The following TRAK1 variants were observed in gnomAD, a reference collection of about 807,000 sequenced individuals.
The protein encoded by TRAK1 is trafficking kinesin-binding protein 1.
In TRAK1, 33 loss-of-function variants were observed where a neutral mutation model predicts 92.1. That is an observed-to-expected ratio of 0.36 (90% CI 0.27 to 0.48). TRAK1 has a LOEUF of 0.48. Among genes scored for constraint, TRAK1 ranks in the 20% least tolerant of loss-of-function variants. The probability of loss-of-function intolerance (pLI) is 0.99; values close to 1 mark genes in which losing one functional copy is unlikely to be tolerated. For missense variants in TRAK1, 1,123 were observed against 1,257.9 expected (o/e 0.89, Z 1.62); for synonymous variants, 521 against 517.3 (o/e 1.01, Z -0.10).
At chr3:42,134,540 G>A (rs1469203067) in intron 2 of TRAK1, among the ~76,000 whole-genome samples, 1 of 146,030 alleles carries the variant, frequency 6.8e-6, no homozygotes, top group Non-Finnish European at 1.5e-5. Context: ...GCCTCCCAAA[G>A]TGCTGGGATT....
At chr3:42,135,957 T>C (rs1416636626) in intron 2 of TRAK1, among the ~76,000 whole-genome samples, 4 of 152,212 alleles carry the variant, frequency 2.6e-5, no homozygotes, top group South Asian at 4.1e-4. Flanking sequence ...CCGACTTCCA[T>C]AGAAACTCGG....
intron 2 of TRAK1, among the ~76,000 whole-genome samples, chr3:42,130,926 C>T (rs1426167206): frequency 1.3e-5 from 2 of 152,142 alleles, no homozygotes; most frequent in Non-Finnish European, 2.9e-5. Flanking sequence ...CAGGTCTCCT[C>T]ACCACTCTAG....
intron 1 of TRAK1, among the ~76,000 whole-genome samples, chr3:42,097,566 C>T (rs761967553): frequency 6.6e-6 from 1 of 152,154 alleles, no homozygotes; most frequent in African/African-American, 2.4e-5. Context: ...TTTTTATTGT[C>T]TTTTCTGTGA....
chr3:42,087,631 A>G (rs1704743604), upstream of TRAK1, among the ~76,000 whole-genome samples: 1 of 152,212 alleles, frequency 6.6e-6, no homozygotes, highest in South Asian at 2.1e-4. Context: ...CCTGACTGAG[A>G]GGTAGACAGC....
chr3:42,175,352 C>T (rs553371824), intron 2 of TRAK1, among the ~76,000 whole-genome samples: 33 of 152,280 alleles, frequency 2.2e-4, no homozygotes, highest in Admixed American at 6.5e-4. Flanking sequence ...TGTGTGACCT[C>T]GAGCTGATGG....
chr3:42,056,304 G>GTGAGTGAGGGTT (rs1343608856), intron 1 of TRAK1, among the ~76,000 whole-genome samples: 5 of 152,202 alleles, frequency 3.3e-5, no homozygotes, highest in African/African-American at 1.2e-4. Flanking sequence ...CCCACCAGCA[G>GTGAGTGAGGGTT]TGAGTGAGGG....
At chr3:42,034,372 G>A (rs750013606) in intron 1 of TRAK1, among the ~76,000 whole-genome samples, 4 of 152,262 alleles carry the variant, frequency 2.6e-5, no homozygotes, top group East Asian at 1.9e-4. Flanking sequence ...GCTCACTGCA[G>A]CCTCGACCTC....
chr3:42,111,867 A>T (rs1321884247), intron 1 of TRAK1, among the ~76,000 whole-genome samples: 1 of 150,746 alleles, frequency 6.6e-6, no homozygotes, highest in Non-Finnish European at 1.5e-5. Flanking sequence ...AGGGATAAGT[A>T]TGAAATTTGC....
chr3:42,050,644 A>C (rs1242668500), intron 1 of TRAK1, among the ~76,000 whole-genome samples: 1 of 151,834 alleles, frequency 6.6e-6, no homozygotes, highest in African/African-American at 2.4e-5. Flanking sequence ...TTGTGGGTTT[A>C]TTATATCTTA....
intron 15 of TRAK1, among the ~76,000 whole-genome samples, chr3:42,219,995 T>A (rs142705306): frequency 6.6e-6 from 1 of 152,046 alleles, no homozygotes; most frequent in Admixed American, 6.6e-5. Flanking sequence ...TTTAGTTGGC[T>A]ATTTAGTTAG....
At chr3:42,080,691 C>T (rs1704388442) in intron 1 of TRAK1, among the ~76,000 whole-genome samples, 1 of 151,502 alleles carries the variant, frequency 6.6e-6, no homozygotes, top group Non-Finnish European at 1.5e-5. Context: ...TAGGCTGGCA[C>T]CTTGGGGAAA....
intron 1 of TRAK1, among the ~76,000 whole-genome samples, chr3:42,052,101 G>A (rs778049556): frequency 9.2e-5 from 14 of 152,234 alleles, no homozygotes; most frequent in Non-Finnish European, 1.9e-4. Context: ...AGTAGTTAAA[G>A]ATGATTATAA....
At chr3:42,163,310 C>T (rs1288304070) in intron 2 of TRAK1, among the ~76,000 whole-genome samples, 1 of 152,130 alleles carries the variant, frequency 6.6e-6, no homozygotes, top group Non-Finnish European at 1.5e-5. Flanking sequence ...GTGGCTCACA[C>T]CTGTAATCCC....
chr3:42,066,679 T>C (rs547502291), intron 1 of TRAK1, among the ~76,000 whole-genome samples: 1 of 152,226 alleles, frequency 6.6e-6, no homozygotes, highest in Non-Finnish European at 1.5e-5. Context: ...CCTATCTTGC[T>C]ATTACTTTTA....
At chr3:42,183,568 AAAAG>A (rs1279931074) in intron 3 of TRAK1, among the ~76,000 whole-genome samples, 3,011 of 145,258 alleles carry the variant, frequency 0.021, 60 homozygotes, top group Non-Finnish European at 0.031. Flanking sequence ...AAAAAAAAAA[AAAAG>A]AAAGAAAGAA....
intron 15 of TRAK1, among the ~76,000 whole-genome samples, chr3:42,219,969 C>T (rs1351155012): frequency 2.6e-5 from 4 of 151,866 alleles, no homozygotes; most frequent in African/African-American, 9.7e-5. Flanking sequence ...TGGACCGACC[C>T]ACCTTTAGTT....
Position 42,020,775 on chromosome 3 carries a change from G to C in TRAK1, c.-519+6658G>C, listed in dbSNP as rs977736095. The stretch of plus-strand genomic sequence containing the variant: ...GAAAAAAAGATAACTCTGTAAAAGA[G>C]TATGCTACATCTTGTGTTTCTGAAT... On this transcript the variant is annotated intron_variant, in intron 1 of 16. Coordinates refer to the TRAK1 transcript ENST00000487159. Among the ~76,000 whole-genome samples the C allele has an allele frequency of 5.3e-5, 8 of 152,176 alleles. No individual in the cohort carries two copies. In the South Asian group the frequency reaches 6.2e-4, roughly 12 times the overall value.
At chr3:42,069,961 C>T (rs1703847631) in intron 1 of TRAK1, among the ~76,000 whole-genome samples, 1 of 151,988 alleles carries the variant, frequency 6.6e-6, no homozygotes, top group South Asian at 2.1e-4. Flanking sequence ...AAGCGATTCT[C>T]CAGCCTCAGC....
At chr3:42,053,138 C>CAGA in intron 1 of TRAK1, among the ~76,000 whole-genome samples, 1 of 152,150 alleles carries the variant, frequency 6.6e-6, no homozygotes, top group Non-Finnish European at 1.5e-5. Context: ...TCTTGCTTCT[C>CAGA]CCAGGCAGTG....
Sources: gnomAD v4.1 joint callset for allele counts (sites outside exome capture counted in the v4.1 genomes callset) on GRCh38, gnomAD v4.1.1 for gene constraint, MANE v1.5 for transcripts, NCBI Gene and HGNC (gene_info 2026-07-23, HGNC 2026-07-21) for gene names.